The following CLIC4 variants were observed in gnomAD, a reference collection of about 807,000 sequenced individuals.
CLIC4 encodes the protein chloride intracellular channel protein 4.
CLIC4 carries 13 observed loss-of-function variants against 24.6 expected under a neutral mutation model. The ratio of observed to expected loss-of-function variants is 0.53; its 90% CI spans 0.34 to 0.84. The LOEUF is 0.84. Ranked by LOEUF, CLIC4 falls within the 40% of genes least tolerant of loss-of-function variation. The pLI is 0.01. For missense variants in CLIC4, 227 were observed against 301.7 expected (o/e 0.75, Z 1.83); for synonymous variants, 104 against 111.3 (o/e 0.93, Z 0.41).
intron 1 of CLIC4, among the ~76,000 whole-genome samples, chr1:24,749,770 C>T (rs1243610454): frequency 6.6e-6 from 1 of 151,974 alleles, no homozygotes; most frequent in African/African-American, 2.4e-5. Flanking sequence ...CCAGCCTGGG[C>T]AACATGGCGA....
intron 3 of CLIC4, among the ~76,000 whole-genome samples, chr1:24,821,522 ACTT>A (rs1200039818): frequency 3.9e-5 from 6 of 152,130 alleles, no homozygotes; most frequent in East Asian, 1.9e-4. Flanking sequence ...AAAAATTTTT[ACTT>A]CTTCTTTGTT....
chr1:24,827,199 G>T, intron 4 of CLIC4, 83 bp downstream of exon 4: 1 of 827,746 alleles, frequency 1.2e-6, no homozygotes, highest in South Asian at 1.6e-5. Context: ...GATTATAAAT[G>T]AGTACTTTAG....
chr1:24,813,528 C>A (rs541526146), intron 2 of CLIC4, among the ~76,000 whole-genome samples: 1 of 151,116 alleles, frequency 6.6e-6, no homozygotes, highest in East Asian at 2.0e-4. Context: ...AAGTGATCCT[C>A]CTTCCTCAGC....
At chr1:24,798,994 G>A (rs371743073) in intron 2 of CLIC4, among the ~76,000 whole-genome samples, 2 of 152,226 alleles carry the variant, frequency 1.3e-5, no homozygotes, top group South Asian at 2.1e-4. Flanking sequence ...TCGGCTCGCT[G>A]CAACCTCCAC....
intron 2 of CLIC4, among the ~76,000 whole-genome samples, chr1:24,810,689 C>T (rs924468416): frequency 1.3e-5 from 2 of 151,648 alleles, no homozygotes; most frequent in Admixed American, 6.6e-5. Flanking sequence ...AGGAGAATTG[C>T]TTGAGCCTAG....
intron 2 of CLIC4, among the ~76,000 whole-genome samples, chr1:24,801,073 TAAAA>T (rs61672978): frequency 4.7e-5 from 7 of 148,530 alleles, no homozygotes; most frequent in African/African-American, 7.4e-5. Flanking sequence ...AAAAATAAAT[TAAAA>T]AAAAAAAAAA....
intron 1 of CLIC4, among the ~76,000 whole-genome samples, chr1:24,777,371 C>T (rs1213774014): frequency 1.3e-5 from 2 of 152,148 alleles, no homozygotes; most frequent in Non-Finnish European, 2.9e-5. Context: ...TGGTGAAACC[C>T]TGTCTCTACT....
At chr1:24,820,445 G>A (rs566140020) in intron 3 of CLIC4, among the ~76,000 whole-genome samples, 3 of 151,124 alleles carry the variant, frequency 2.0e-5, no homozygotes, top group Non-Finnish European at 4.4e-5. Flanking sequence ...AAAAATTTTT[G>A]TAGAGATGGG....
At chr1:24,813,630 G>C (rs1393501532) in intron 2 of CLIC4, among the ~76,000 whole-genome samples, 1 of 150,886 alleles carries the variant, frequency 6.6e-6, no homozygotes, top group Non-Finnish European at 1.5e-5. Flanking sequence ...TGCTGGCCAA[G>C]CTGGTCTCAA....
chr1:24,745,619 C>G lies in CLIC4; in HGVS notation c.66C>G (p.Phe22Leu), dbSNP rs768078941. The G allele has an allele frequency of 3.8e-6, 6 of 1,567,350 alleles. No homozygotes were observed. In the South Asian group the frequency reaches 5.9e-5, roughly 15 times the overall value. Residue 22 changes from phenylalanine (F) to leucine (L), a missense_variant, in exon 1 of 6, where the codon TTC (phenylalanine) becomes TTG (leucine). Transcript: ENST00000374379. ...EEDKEPLIEL[F>L]VKAGSDGESI... is the part of the protein sequence containing the mutation. Reference sequence around the variant, plus strand: ...ACAAAGAGCCCCTCATCGAGCTCTTCGTCAAGGTGAGCGCTCGCCTCGCGG... The same window carrying G: ...ACAAAGAGCCCCTCATCGAGCTCTTGGTCAAGGTGAGCGCTCGCCTCGCGG...
intron 3 of CLIC4, among the ~76,000 whole-genome samples, chr1:24,816,760 G>A (rs1639675549): frequency 6.6e-6 from 1 of 152,148 alleles, no homozygotes. Flanking sequence ...TCAGAGTTCT[G>A]GGGGGACTAG....
intron 1 of CLIC4, among the ~76,000 whole-genome samples, chr1:24,757,816 G>T (rs183869681): frequency 7.3e-5 from 11 of 151,624 alleles, no homozygotes; most frequent in African/African-American, 2.7e-4. Context: ...GGCCCAGGCT[G>T]GAGTGCGCTG....
intron 1 of CLIC4, among the ~76,000 whole-genome samples, chr1:24,789,121 T>G (rs1449983513): frequency 6.6e-6 from 1 of 152,246 alleles, no homozygotes; most frequent in Non-Finnish European, 1.5e-5. Context: ...TGGACATCTG[T>G]ATGACTGTTT....
At chr1:24,781,584 G>T (rs193211621) in intron 1 of CLIC4, among the ~76,000 whole-genome samples, 32 of 152,170 alleles carry the variant, frequency 2.1e-4, no homozygotes, top group African/African-American at 6.7e-4. Flanking sequence ...AACGGGAGTG[G>T]GGGTGGAGCA....
chr1:24,751,860 G>A (rs1266343444), intron 1 of CLIC4, among the ~76,000 whole-genome samples: 1 of 152,200 alleles, frequency 6.6e-6, no homozygotes, highest in Non-Finnish European at 1.5e-5. Context: ...GCAAGACTCT[G>A]TCTCAAAAAC....
At chr1:24,812,485 C>T (rs1195478942) in intron 2 of CLIC4, among the ~76,000 whole-genome samples, 2 of 152,126 alleles carry the variant, frequency 1.3e-5, no homozygotes, top group Admixed American at 1.3e-4. Context: ...CATCTTTACA[C>T]AATTAGTTGG....
chr1:24,799,384 C>T (rs1278239612), intron 2 of CLIC4, among the ~76,000 whole-genome samples: 1 of 151,728 alleles, frequency 6.6e-6, no homozygotes, highest in Non-Finnish European at 1.5e-5. Flanking sequence ...GCCGCCCCGT[C>T]TGAGAAGTGA....
At chr1:24,789,436 T>C (rs1311342065) in intron 1 of CLIC4, among the ~76,000 whole-genome samples, 1 of 152,176 alleles carries the variant, frequency 6.6e-6, no homozygotes, top group Admixed American at 6.6e-5. Flanking sequence ...GAGAATCTCT[T>C]GAACTCAGGA....
intron 5 of CLIC4, 73 bp downstream of exon 5, chr1:24,840,114 G>A (rs556681382): frequency 2.9e-6 from 4 of 1,382,840 alleles, no homozygotes; most frequent in East Asian, 2.3e-5. Flanking sequence ...TTTCCTTTGT[G>A]CTCAAAACAT....
Sources: allele counts gnomAD v4.1 joint callset (sites outside exome capture counted in the v4.1 genomes callset), GRCh38; gene constraint gnomAD v4.1.1; transcripts MANE v1.5; gene names NCBI Gene and HGNC (gene_info 2026-07-23, HGNC 2026-07-21).